YPEL1: variants seen among roughly 807,000 people sequenced by gnomAD.
YPEL1 encodes yippee like 1.
In YPEL1, 7 loss-of-function variants were observed where a neutral mutation model predicts 17.3. The ratio of observed to expected loss-of-function variants is 0.40; its 90% CI spans 0.23 to 0.76. YPEL1 has a LOEUF of 0.76. YPEL1 is among the 30% of genes least tolerant of loss of function. The pLI, the probability that YPEL1 is intolerant of heterozygous loss-of-function variation, is 0.35. For missense variants in YPEL1, 91 were observed against 155.5 expected, an observed-to-expected ratio of 0.59 and a Z score of 2.21; for synonymous variants, 59 against 59.6, an observed-to-expected ratio of 0.99 and a Z score of 0.05.
Position 21,711,430 on chromosome 22 carries a change from T to C in YPEL1, c.-164-522A>G, listed in dbSNP as rs143562409. ...GGAGAGGCAGAACCAAGACGCCCGG[T>C]GAGTGGGCCCGGTGGCAGGGCTGGA... On this transcript the variant is annotated intron_variant, in intron 1 of 4. Transcript: ENST00000339468. 5.0e-3 allele frequency among the ~76,000 whole-genome samples: 759 copies of C among 152,278 alleles called. 6 individuals are homozygous for C. Among genetic ancestry groups the C allele is most frequent in the African/African-American group, 0.018 (729 of 41,568 alleles).
intron 1 of YPEL1, among the ~76,000 whole-genome samples, chr22:21,713,734 T>C (rs2068194226): frequency 6.6e-6 from 1 of 152,200 alleles, no homozygotes; most frequent in East Asian, 1.9e-4. Flanking sequence ...AAGAGTTATG[T>C]GTACTGACTA....
intron 1 of YPEL1, among the ~76,000 whole-genome samples, chr22:21,725,105 C>T (rs1471504465): frequency 6.6e-6 from 1 of 151,462 alleles, no homozygotes; most frequent in Non-Finnish European, 1.5e-5. Flanking sequence ...GATGGGCTTT[C>T]ACCATGTTGT....
chr22:21,730,142 A>G (rs2068373953), intron 1 of YPEL1, among the ~76,000 whole-genome samples: 1 of 151,964 alleles, frequency 6.6e-6, no homozygotes, highest in Non-Finnish European at 1.5e-5. Context: ...ACAGAGCGAG[A>G]CTCCTTCTCA....
intron 2 of YPEL1, among the ~76,000 whole-genome samples, chr22:21,710,007 C>T (rs1411561528): frequency 2.0e-5 from 3 of 152,148 alleles, no homozygotes; most frequent in Non-Finnish European, 1.5e-5. Context: ...AGCATCAGCT[C>T]CTCCATGATG....
chr22:21,729,118 G>A (rs1045591797), intron 1 of YPEL1, among the ~76,000 whole-genome samples: 2 of 150,704 alleles, frequency 1.3e-5, no homozygotes, highest in Admixed American at 1.3e-4. Context: ...ACTCCAGCCT[G>A]GGCAACAAGA....
chr22:21,719,768 C>T (rs1417002970), intron 1 of YPEL1, among the ~76,000 whole-genome samples: 1 of 152,098 alleles, frequency 6.6e-6, no homozygotes, highest in Non-Finnish European at 1.5e-5. Flanking sequence ...TGGCTCACGC[C>T]TGGAATCCCA....
chr22:21,732,108 T>C (rs1451536065), intron 1 of YPEL1, among the ~76,000 whole-genome samples: 1 of 152,242 alleles, frequency 6.6e-6, no homozygotes, highest in East Asian at 1.9e-4. Flanking sequence ...TCCATTTTAC[T>C]CTCACCTGCC....
At chr22:21,712,297 A>G (rs1328314000) in intron 1 of YPEL1, among the ~76,000 whole-genome samples, 1 of 148,446 alleles carries the variant, frequency 6.7e-6, no homozygotes, top group East Asian at 2.1e-4. Context: ...GAATACATAT[A>G]TTCTATATTC....
At chr22:21,702,868 G>A (rs945513960) in intron 4 of YPEL1, among the ~76,000 whole-genome samples, 7 of 152,206 alleles carry the variant, frequency 4.6e-5, no homozygotes, top group Admixed American at 1.3e-4. Flanking sequence ...AGCTAGAGGT[G>A]AAGGCTGGAG....
intron 1 of YPEL1, among the ~76,000 whole-genome samples, chr22:21,728,327 A>G (rs1437606175): frequency 6.6e-6 from 1 of 152,096 alleles, no homozygotes; most frequent in Non-Finnish European, 1.5e-5. Flanking sequence ...CCTTGGGATT[A>G]GAAAGATGAA....
rs1466378725 is a variant in YPEL1, at chr22:21,704,087, GGA to G, written c.118-207_118-206del. 16 of 722,878 alleles carry G rather than the reference GGA, an allele frequency of 2.2e-5. No homozygotes were observed. The East Asian group carries it at 4.0e-4, about 18-fold the overall frequency. The allele number at this position is 722,878 out of a possible 1,614,324, so 44.8% of individuals were successfully genotyped here. A position where few individuals can be genotyped will look rare whatever the true frequency, so the allele number is the denominator to read the frequency against. On this transcript the variant is annotated intron_variant, in intron 2 of 4. Transcript: ENST00000339468. ...TGCAAGCTGTTTTTCATTGTAGACA[GGA>G]GTGGCTGATTCTGCTGCGTCAACAT... is the stretch of plus-strand genomic sequence containing the variant.
At position 21,700,318 on chromosome 22, in the gene YPEL1, C is replaced by T. The variant is rs861817; in HGVS notation, c.*811G>A. ...CTTCAGAGACTCAGTCTGGTTCTCT[C>T]TTGTTTTAAATTGAGACGGAGTCTC... is the stretch of plus-strand genomic sequence containing the variant. On this transcript the variant is annotated 3_prime_UTR_variant, in exon 5 of 5. Transcript: ENST00000339468. 0.98 allele frequency: 149,289 copies of T among 152,284 alleles called. 73,276 individuals carry two copies. Among genetic ancestry groups the T allele is most frequent in the African/African-American group, 1 (41,349 of 41,546 alleles). 9.4% of individuals were successfully genotyped at this position (152,284 alleles called of 1,614,324 possible).
At chr22:21,717,312 G>C (rs2068236335) in intron 1 of YPEL1, among the ~76,000 whole-genome samples, 1 of 150,316 alleles carries the variant, frequency 6.7e-6, no homozygotes, top group South Asian at 2.1e-4. Context: ...GGAGGCGGAG[G>C]TTGCAGTGAG....
At chr22:21,709,539 G>A (rs1797586825) in intron 2 of YPEL1, among the ~76,000 whole-genome samples, 1 of 152,158 alleles carries the variant, frequency 6.6e-6, no homozygotes, top group Non-Finnish European at 1.5e-5. Flanking sequence ...ACTTTGGGAG[G>A]CCAAGGCAGG....
chr22:21,712,144 C>T lies in YPEL1; in HGVS notation c.-164-1236G>A, dbSNP rs545259042. 2.6e-5 allele frequency among the ~76,000 whole-genome samples: 4 copies of T among 152,226 alleles called. No individual in the cohort carries two copies. The South Asian group carries it at 8.3e-4, about 32-fold the overall frequency. ...GAGCTGAGATCGTCCAACTGCACTCCAGCCTGAGCAACAGAGTGAAACCCT... is the reference window on the plus strand; with the variant it reads ...GAGCTGAGATCGTCCAACTGCACTCTAGCCTGAGCAACAGAGTGAAACCCT... On this transcript the variant is annotated intron_variant, in intron 1 of 4. Transcript: ENST00000339468.
At chr22:21,726,992 T>C (rs2068342218) in intron 1 of YPEL1, among the ~76,000 whole-genome samples, 1 of 152,160 alleles carries the variant, frequency 6.6e-6, no homozygotes, top group Admixed American at 6.5e-5. Context: ...AAAACAGGCT[T>C]GCTGTTTCCC....
chr22:21,734,841 G>A (rs1342096552), intron 1 of YPEL1, among the ~76,000 whole-genome samples: 1 of 152,194 alleles, frequency 6.6e-6, no homozygotes, highest in Non-Finnish European at 1.5e-5. Context: ...AGGAGTGTCA[G>A]GGGCTGGTGG....
chr22:21,704,526 G>A lies in YPEL1; in HGVS notation c.118-644C>T, dbSNP rs189571112. Among the ~76,000 whole-genome samples the A allele has an allele frequency of 5.5e-3, 843 of 152,070 alleles. 9 individuals are homozygous for A. The highest frequency in any genetic ancestry group is 0.019 in the African/African-American group (768 of 41,476). ...ACAAAAGTTAGCTGGGCGTGGTGGCGGGCACCAGTAACCCCAGCTACTTGG... is the reference window on the plus strand; with the variant it reads ...ACAAAAGTTAGCTGGGCGTGGTGGCAGGCACCAGTAACCCCAGCTACTTGG... On this transcript the variant is annotated intron_variant, in intron 2 of 4. Coordinates refer to ENST00000339468, the MANE Select transcript of YPEL1 (RefSeq NM_013313.5).
At chr22:21,720,502 C>T (rs558081791) in intron 1 of YPEL1, among the ~76,000 whole-genome samples, 3 of 150,772 alleles carry the variant, frequency 2.0e-5, no homozygotes, top group South Asian at 2.1e-4. Context: ...CACCTGACTG[C>T]GATTTTTTGA....
Sources: gnomAD v4.1 joint callset for allele counts (sites outside exome capture counted in the v4.1 genomes callset) on GRCh38, gnomAD v4.1.1 for gene constraint, MANE v1.5 for transcripts, NCBI Gene and HGNC (gene_info 2026-07-23, HGNC 2026-07-21) for gene names.